The following UGDH variants were observed in gnomAD, a reference collection of about 807,000 sequenced individuals.
The protein encoded by UGDH is UDP-Glc dehydrogenase.
Under a neutral mutation model 50.6 loss-of-function variants are expected in UGDH, and 38 were observed. That is an observed-to-expected ratio of 0.75 (90% CI 0.58 to 0.98). The LOEUF (loss-of-function observed/expected upper bound fraction) is 0.98. Ranked by LOEUF, UGDH falls within the 50% of genes least tolerant of loss-of-function variation. The pLI, the probability that UGDH is intolerant of heterozygous loss-of-function variation, is 0.00. For missense variants in UGDH, 465 were observed against 606.2 expected (o/e 0.77, Z 2.45); for synonymous variants, 168 against 199.9 (o/e 0.84, Z 1.35).
In UGDH at chr4:39,514,063, C is replaced by T. The variant is rs1403381196; in HGVS notation, c.264+20G>A. ...AGACAAGAATACATTAAAATTCACA[C>T]AACAAAGGAAAATACTTACAGAAAT... is the stretch of plus-strand genomic sequence containing the variant. On this transcript the variant is annotated intron_variant, in intron 3 of 11. Coordinates refer to ENST00000316423, the MANE Select transcript of UGDH (RefSeq NM_003359.4). 15 of 1,555,886 alleles carry T rather than the reference C, an allele frequency of 9.6e-6. No individual in the cohort carries two copies. The highest frequency in any genetic ancestry group is 1.1e-5 in the Non-Finnish European group (13 of 1,144,156).
intron 3 of UGDH, among the ~76,000 whole-genome samples, chr4:39,513,358 T>C (rs1746316019): frequency 6.6e-6 from 1 of 152,122 alleles, no homozygotes; most frequent in Non-Finnish European, 1.5e-5. Context: ...AACCAACATA[T>C]GCCAAGTTAC....
intron 2 of UGDH, among the ~76,000 whole-genome samples, chr4:39,520,325 G>A (rs1434580641): frequency 6.6e-6 from 1 of 152,140 alleles, no homozygotes; most frequent in Non-Finnish European, 1.5e-5. Flanking sequence ...GGCAACAAGA[G>A]TGAAACTCCG....
chr4:39,505,521 T>C, intron 8 of UGDH, 97 bp downstream of exon 8: 1 of 1,163,470 alleles, frequency 8.6e-7, no homozygotes, highest in Non-Finnish European at 1.1e-6. Context: ...ATTTTATATA[T>C]ATACATGTAT....
chr4:39,513,523 T>C (rs1746322504), intron 3 of UGDH, among the ~76,000 whole-genome samples: 2 of 147,892 alleles, frequency 1.4e-5, no homozygotes, highest in South Asian at 4.2e-4. Context: ...TACCAGCATT[T>C]CCTAGTTCTT....
chr4:39,500,333 G>A (rs1346565634), intron 11 of UGDH, 80 bp from the exon 12 acceptor site: 8 of 848,438 alleles, frequency 9.4e-6, no homozygotes, highest in Non-Finnish European at 1.4e-5. Flanking sequence ...AATGGGAGCA[G>A]GGGGAATCTA....
chr4:39,508,704 G>C, intron 6 of UGDH, 44 bp from the exon 7 acceptor site: 1 of 1,532,680 alleles, frequency 6.5e-7, no homozygotes, highest in Non-Finnish European at 8.8e-7. Flanking sequence ...GTAAGAACGA[G>C]AAAACTCAAT....
At chr4:39,520,351 A>G (rs1349791680) in intron 2 of UGDH, among the ~76,000 whole-genome samples, 2 of 152,170 alleles carry the variant, frequency 1.3e-5, no homozygotes, top group Non-Finnish European at 2.9e-5. Flanking sequence ...AAAAACAAAT[A>G]AAAAATAACC....
At chr4:39,512,007 G>A (rs531681157) in intron 3 of UGDH, among the ~76,000 whole-genome samples, 151 of 147,358 alleles carry the variant, frequency 1.0e-3, no homozygotes, top group African/African-American at 3.6e-3. Flanking sequence ...CTGGCCAATG[G>A]GCGAAGACTT....
At chr4:39,510,977 T>A in intron 3 of UGDH, 116 bp from the exon 4 acceptor site, 1 of 921,454 alleles carries the variant, frequency 1.1e-6, no homozygotes, top group Non-Finnish European at 1.7e-6. Flanking sequence ...CCTGATTTAA[T>A]CCTCTGTTAG....
At position 39,510,761 on chromosome 4, in the gene UGDH, C is replaced by A; in HGVS notation, c.365G>T (p.Gly122Val). The change falls in exon 4 of 12, where the codon GGG (glycine) becomes GTG (valine). Residue 122 changes from glycine to valine, a missense_variant. Coordinates refer to ENST00000316423, the MANE Select transcript of UGDH (RefSeq NM_003359.4). ...GCTTTTCTCAGTCACAATTTTGTACCCATTTGAGTTTTGCACAATGCGTCT... is the reference window on the plus strand; with the variant it reads ...GCTTTTCTCAGTCACAATTTTGTACACATTTGAGTTTTGCACAATGCGTCT... ...CARRIVQNSN[G>V]YKIVTEKSTV... The A allele has an allele frequency of 6.2e-7, 1 of 1,614,100 alleles. No individual in the cohort carries two copies. The highest frequency in any genetic ancestry group is 1.1e-5 in the South Asian group (1 of 91,082).
At position 39,500,205 on chromosome 4, in the gene UGDH, G is replaced by A. The variant is rs146932231; in HGVS notation, c.1423C>T (p.Pro475Ser). 5.5e-4 allele frequency: 891 copies of A among 1,605,452 alleles called. No individual in the cohort carries two copies. Among genetic ancestry groups the A allele is most frequent in the Middle Eastern group, 1.2e-3 (7 of 6,012 alleles). The change falls in exon 12 of 12, where the codon CCT (proline) becomes TCT (serine). Residue 475 changes from proline to serine, a missense_variant. By Grantham distance (74) the Pro-to-Ser change is moderately conservative. Transcript: ENST00000316423. The stretch of plus-strand genomic sequence containing the variant: ...CTAAACTTCGGAATTTCACCAGAAG[G>A]AGCATATGGAATTCTCTTTGAAGAC... ...KVSSKRIPYA[P>S]SGEIPKFSLQ...
chr4:39,499,855 C>G lies in UGDH; in HGVS notation c.*288G>C. The G allele has an allele frequency of 4.7e-6, 1 of 212,136 alleles. No individual in the cohort carries two copies. The highest frequency in any genetic ancestry group is 9.5e-6 in the Non-Finnish European group (1 of 105,238). The allele number at this position is 212,136 out of a possible 1,614,324, so 13.1% of individuals were successfully genotyped here. On this transcript the variant is annotated 3_prime_UTR_variant, in exon 12 of 12. Transcript: ENST00000316423. Reference sequence around the variant, plus strand: ...ACCATCCTGGCTCACATGGTGAAACCCTGTCTCTACTAAAAATACAAAAAA... The same window carrying G: ...ACCATCCTGGCTCACATGGTGAAACGCTGTCTCTACTAAAAATACAAAAAA...
At chr4:39,522,781 T>TA (rs1746719705) in intron 1 of UGDH, among the ~76,000 whole-genome samples, 1 of 145,394 alleles carries the variant, frequency 6.9e-6, no homozygotes, top group South Asian at 2.1e-4. Context: ...TTTTTTTTTT[T>TA]AATGAGACAG....
intron 5 of UGDH, among the ~76,000 whole-genome samples, chr4:39,510,137 T>C (rs1490910075): frequency 6.6e-6 from 1 of 151,630 alleles, no homozygotes; most frequent in African/African-American, 2.4e-5. Context: ...AAAACCAAAT[T>C]ACTATTTTAA....
At chr4:39,505,982 A>G (rs756294513) in intron 7 of UGDH, among the ~76,000 whole-genome samples, 1 of 151,994 alleles carries the variant, frequency 6.6e-6, no homozygotes, top group Non-Finnish European at 1.5e-5. Flanking sequence ...CTGTAATCCC[A>G]GCACTTTGGG....
chr4:39,526,779 T>C (rs1746915052), intron 1 of UGDH, among the ~76,000 whole-genome samples: 1 of 152,116 alleles, frequency 6.6e-6, no homozygotes, highest in Non-Finnish European at 1.5e-5. Flanking sequence ...CCCGGACAGA[T>C]ATCACGGCAG....
chr4:39,510,442 C>G lies in UGDH; in HGVS notation c.574G>C (p.Val192Leu). Residue 192 changes from valine to leucine, a missense_variant, in exon 5 of 12, where the codon GTG (valine) becomes CTG (leucine). Val to Leu is a conservative substitution (Grantham distance 32). Coordinates refer to ENST00000316423, the MANE Select transcript of UGDH (RefSeq NM_003359.4). ...GDETPEGQRA[V>L]QALCAVYEHW... ...TCATATACAGCACACAGGGCCTGCA[C>G]AGCTCTCTGGCCCTCTGGAGTTTCA... 6.2e-7 allele frequency: 1 copy of G among 1,614,208 alleles called. No individual in the cohort carries two copies. Among genetic ancestry groups the G allele is most frequent in the Non-Finnish European group, 8.5e-7 (1 of 1,180,038 alleles).
Position 39,504,485 on chromosome 4 carries a change from T to C in UGDH, c.1195A>G (p.Lys399Glu). Residue 399 changes from lysine (K) to glutamate (E), a missense_variant, in exon 10 of 12, where the codon AAG becomes GAG. By Grantham distance (56) the Lys-to-Glu change is moderately conservative. Transcript: ENST00000316423. ...CCATCACATGCTTCATATGGATCCT[T>C]GGAAATGGTCACGAGCCGGGACACT... ...DQVSRLVTIS[K>E]DPYEACDGAH... 6.2e-7 allele frequency: 1 copy of C among 1,613,360 alleles called. No individual in the cohort carries two copies.
Position 39,521,346 on chromosome 4 carries a change from T to C in UGDH, c.162+5A>G. On this transcript the variant is annotated splice_donor_5th_base_variant and intron_variant, in intron 2 of 11. Coordinates refer to ENST00000316423, the MANE Select transcript of UGDH (RefSeq NM_003359.4). Reference sequence around the variant, plus strand: ...TAAAAACAAAGAGATGTTTAATATGTTTACCTCATAAATAGGAAGTGTAGG... The same window carrying C: ...TAAAAACAAAGAGATGTTTAATATGCTTACCTCATAAATAGGAAGTGTAGG... The C allele has an allele frequency of 6.2e-7, 1 of 1,602,686 alleles. No individual in the cohort carries two copies. Among genetic ancestry groups the C allele is most frequent in the Non-Finnish European group, 8.5e-7 (1 of 1,175,180 alleles).
Sources: allele counts gnomAD v4.1 joint callset (sites outside exome capture counted in the v4.1 genomes callset), GRCh38; gene constraint gnomAD v4.1.1; transcripts MANE v1.5; gene names NCBI Gene and HGNC (gene_info 2026-07-23, HGNC 2026-07-21).